Variants in PEX7 observed in about 807,000 individuals in gnomAD.
PEX7 encodes PTS2 receptor.
In PEX7, 34 loss-of-function variants were observed where a neutral mutation model predicts 47.5. The ratio of observed to expected loss-of-function variants is 0.72; its 90% CI spans 0.54 to 0.95. The LOEUF (loss-of-function observed/expected upper bound fraction) is 0.95, where lower values mean the gene tolerates loss of function less well. PEX7 is among the 40% of genes least tolerant of loss of function. The pLI is 0.00. For synonymous variants in PEX7, 141 were observed against 148.8 expected (o/e 0.95, Z 0.38); for missense variants, 394 against 400.3 (o/e 0.98, Z 0.13).
Position 136,913,519 on chromosome 6 carries a change from C to T in PEX7, c.965C>T (p.Pro322Leu), listed in dbSNP as rs1237131508. 3 of 1,607,014 alleles carry T rather than the reference C, an allele frequency of 1.9e-6. No homozygotes were observed. The highest frequency in any genetic ancestry group is 2.2e-5 in the East Asian group (1 of 44,800). Residue 322 changes from proline to leucine, a missense_variant, in exon 10 of 10, where the codon CCT (proline) becomes CTT (leucine). Pro to Leu is a moderately conservative substitution (Grantham distance 98, BLOSUM62 -3). Coordinates refer to ENST00000318471, the MANE Select transcript of PEX7 (RefSeq NM_000288.4). ...TATGACCCTGCTTGTCTTACTATTC[C>T]TGCTTGAGATACACTACTTTGGTCA... ...KIYDPACLTI[P>L]A is the part of the protein sequence containing the mutation.
intron 3 of PEX7, among the ~76,000 whole-genome samples, chr6:136,832,835 T>G (rs1774318522): frequency 6.6e-6 from 1 of 152,176 alleles, no homozygotes; most frequent in Non-Finnish European, 1.5e-5. Context: ...CCCAGTAAGT[T>G]CGTCATCTCT....
intron 3 of PEX7, among the ~76,000 whole-genome samples, chr6:136,840,941 T>G (rs534704524): frequency 6.6e-6 from 1 of 152,190 alleles, no homozygotes; most frequent in Non-Finnish European, 1.5e-5. Flanking sequence ...CCCTTGTCAT[T>G]ATTTTCTGTT....
chr6:136,823,395 T>C (rs1582730766), intron 1 of PEX7: 9 of 972,950 alleles, frequency 9.3e-6, no homozygotes, highest in Non-Finnish European at 1.1e-5. Context: ...TGTTACAGAC[T>C]CCAGTTAATT....
chr6:136,858,030 G>A (rs1009330688), intron 5 of PEX7, among the ~76,000 whole-genome samples: 4 of 152,214 alleles, frequency 2.6e-5, no homozygotes, highest in Middle Eastern at 3.4e-3. Flanking sequence ...TGCCCAGGCT[G>A]GTCTAGAACT....
intron 2 of PEX7, 30 bp from the exon 3 acceptor site, chr6:136,826,289 T>A: frequency 6.2e-7 from 1 of 1,612,866 alleles, no homozygotes; most frequent in South Asian, 1.1e-5. Context: ...AGTGTTGTAT[T>A]TTTTTGTTGT....
Position 136,900,881 on chromosome 6 carries a change from G to A in PEX7, c.903+2640G>A, listed in dbSNP as rs1775742211. The stretch of plus-strand genomic sequence containing the variant: ...TGGTCTGTATTATGGGCCAGCTTAT[G>A]TAGTTGAGTAGCTGTTTGGTGGTCC... On this transcript the variant is annotated intron_variant, in intron 9 of 9. Transcript: ENST00000318471. This position sits in a 1 kb window ranked among gnomAD's most constrained non-coding sequence, Gnocchi z 4.2. 4.1e-6 allele frequency: 1 copy of A among 245,332 alleles called. No individual in the cohort carries two copies. The allele number at this position is 245,332 out of a possible 1,614,324, so 15.2% of individuals were successfully genotyped here. A position where few individuals can be genotyped will look rare whatever the true frequency, so the allele number is the denominator to read the frequency against.
At chr6:136,853,933 GC>G (rs2115187381) in intron 5 of PEX7, among the ~76,000 whole-genome samples, 1 of 152,192 alleles carries the variant, frequency 6.6e-6, no homozygotes, top group Admixed American at 6.5e-5. Context: ...CTAAGTCATA[GC>G]TTTTTTTGTC....
intron 3 of PEX7, among the ~76,000 whole-genome samples, chr6:136,842,897 G>A (rs543049187): frequency 1.3e-5 from 2 of 152,312 alleles, no homozygotes; most frequent in East Asian, 1.9e-4. Context: ...AATGGGGCAC[G>A]TCTTGATGGA....
At chr6:136,850,408 T>C (rs1774721792) in intron 5 of PEX7, among the ~76,000 whole-genome samples, 2 of 152,190 alleles carry the variant, frequency 1.3e-5, no homozygotes, top group East Asian at 3.9e-4. Flanking sequence ...ATTATGATGT[T>C]AGCTGGTTAT....
intron 8 of PEX7, among the ~76,000 whole-genome samples, chr6:136,876,497 AC>A (rs1683570031): frequency 6.7e-6 from 1 of 148,928 alleles, no homozygotes; most frequent in Admixed American, 6.7e-5. Context: ...CTAGTCCCCC[AC>A]CCCCCAAAAG....
At chr6:136,867,251 G>A (rs1477267761) in intron 6 of PEX7, among the ~76,000 whole-genome samples, 1 of 152,138 alleles carries the variant, frequency 6.6e-6, no homozygotes, top group Admixed American at 6.6e-5. Context: ...ATGAATCAGA[G>A]ATAGAAATGG....
chr6:136,849,480 G>C lies in PEX7; in HGVS notation c.526+3299G>C, dbSNP rs188722575. On this transcript the variant is annotated intron_variant, in intron 5 of 9. Transcript: ENST00000318471. ...TTTTAGATCTTTCCTTCTTTCTCTT[G>C]TGGGCATTTAGTGCTATGAATTTCC... 1.4e-3 allele frequency among the ~76,000 whole-genome samples: 214 copies of C among 152,184 alleles called. 2 individuals are homozygous for C. Among genetic ancestry groups the C allele is most frequent in the Non-Finnish European group, 1.5e-4 (10 of 68,020 alleles).
intron 3 of PEX7, among the ~76,000 whole-genome samples, chr6:136,832,598 T>C (rs1774314067): frequency 6.6e-6 from 1 of 152,256 alleles, no homozygotes; most frequent in Non-Finnish European, 1.5e-5. Context: ...TGCTTCCCTT[T>C]TAAATATAAG....
chr6:136,898,820 A>T (rs545687776), intron 9 of PEX7, among the ~76,000 whole-genome samples: 53 of 150,548 alleles, frequency 3.5e-4, no homozygotes, highest in African/African-American at 6.1e-4. Flanking sequence ...TTTTTTTTTT[A>T]AAAAAGCCTT....
chr6:136,848,616 T>G (rs1367012317), intron 5 of PEX7, among the ~76,000 whole-genome samples: 2 of 152,184 alleles, frequency 1.3e-5, no homozygotes, highest in African/African-American at 4.8e-5. Flanking sequence ...ATCATGTGGT[T>G]TTTGTCTTTG....
At chr6:136,852,074 C>T in intron 5 of PEX7, among the ~76,000 whole-genome samples, 1 of 95,956 alleles carries the variant, frequency 1.0e-5, no homozygotes, top group Admixed American at 1.1e-4. Context: ...GAAGTCCTTG[C>T]CCACGCCTGT....
intron 3 of PEX7, among the ~76,000 whole-genome samples, chr6:136,833,359 C>T (rs1357958443): frequency 3.3e-5 from 5 of 152,140 alleles, no homozygotes; most frequent in African/African-American, 9.7e-5. Context: ...TCCTTCGACA[C>T]GTGGGGATTA....
chr6:136,823,370 A>G (rs1582730724), intron 1 of PEX7: 1 of 984,848 alleles, frequency 1.0e-6, no homozygotes, highest in African/African-American at 1.7e-5. Context: ...AGGAATGCAC[A>G]CATTCGCAAG....
At chr6:136,863,513 A>G (rs1203382303) in intron 5 of PEX7, among the ~76,000 whole-genome samples, 1 of 152,160 alleles carries the variant, frequency 6.6e-6, no homozygotes, top group Admixed American at 6.6e-5. Context: ...AATGCAAACT[A>G]AAGGGCTGTG....
Sources: gnomAD v4.1 joint callset for allele counts (sites outside exome capture counted in the v4.1 genomes callset) on GRCh38, gnomAD v4.1.1 for gene constraint, Gnocchi (gnomAD v3.1) non-coding constraint, MANE v1.5 for transcripts, NCBI Gene and HGNC (gene_info 2026-07-23, HGNC 2026-07-21) for gene names.